The following KIF26B variants were observed in gnomAD, a reference collection of about 807,000 sequenced individuals.
The protein encoded by KIF26B is kinesin family member 26B.
KIF26B carries 63 observed loss-of-function variants against 151.2 expected under a neutral mutation model. The ratio of observed to expected loss-of-function variants is 0.42; its 90% CI spans 0.34 to 0.51. KIF26B has a LOEUF of 0.51. Among genes scored for constraint, KIF26B ranks in the 20% least tolerant of loss-of-function variants. The pLI, the probability that KIF26B is intolerant of heterozygous loss-of-function variation, is 0.07. For synonymous variants in KIF26B, 1,357 were observed against 1,262.1 expected, an observed-to-expected ratio of 1.08 and a Z score of -1.59; for missense variants, 2,813 against 2,913.6, an observed-to-expected ratio of 0.97 and a Z score of 0.79.
intron 9 of KIF26B, among the ~76,000 whole-genome samples, chr1:245,640,660 TTTTG>T (rs1469688430): frequency 2.6e-5 from 4 of 152,122 alleles, no homozygotes; most frequent in African/African-American, 9.6e-5. Flanking sequence ...TGCTTTTATT[TTTTG>T]TTTATCAATT....
chr1:245,574,864 C>CT (rs201010492), intron 5 of KIF26B, among the ~76,000 whole-genome samples: 9,291 of 126,106 alleles, frequency 0.074, 589 homozygotes, highest in African/African-American at 0.14. Flanking sequence ...TTTTTTTTTT[C>CT]TTTTTTTTTT....
intron 4 of KIF26B, among the ~76,000 whole-genome samples, chr1:245,443,716 A>T (rs1260100541): frequency 3.3e-5 from 3 of 91,724 alleles, no homozygotes; most frequent in African/African-American, 1.1e-4. Context: ...CTCACTGTTC[A>T]CCTAGAGCGG....
intron 2 of KIF26B, among the ~76,000 whole-genome samples, chr1:245,361,310 G>C (rs544216875): frequency 1.2e-4 from 19 of 152,348 alleles, no homozygotes; most frequent in African/African-American, 4.1e-4. Flanking sequence ...CTTAGGCTGA[G>C]CACAGCTGCT....
In KIF26B at chr1:245,352,423, C is replaced by T. The variant is rs996940574; in HGVS notation, c.466-14411C>T. The stretch of plus-strand genomic sequence containing the variant: ...GGATTACAGGCACCCACCACCACAC[C>T]TGGCTAATTTTTGTATTTTCAGTAG... On this transcript the variant is annotated intron_variant, in intron 2 of 14. Coordinates refer to ENST00000407071, the MANE Select transcript of KIF26B (RefSeq NM_018012.4). The surrounding 1 kb of genome is among the most constrained non-coding windows in gnomAD (Gnocchi z 5.0). 1.1e-4 allele frequency among the ~76,000 whole-genome samples: 16 copies of T among 152,156 alleles called. No individual in the cohort carries two copies. The highest frequency in any genetic ancestry group is 1.9e-4 in the Non-Finnish European group (13 of 68,034).
chr1:245,184,356 C>G (rs1668966159), intron 2 of KIF26B, among the ~76,000 whole-genome samples: 1 of 152,026 alleles, frequency 6.6e-6, no homozygotes, highest in Admixed American at 6.5e-5. Flanking sequence ...CAAGAAATAG[C>G]TCAGCCCTAT....
chr1:245,280,260 TC>T (rs1238315724), intron 2 of KIF26B, among the ~76,000 whole-genome samples: 1 of 151,070 alleles, frequency 6.6e-6, no homozygotes, highest in Non-Finnish European at 1.5e-5. Flanking sequence ...ACGCCTGTAA[TC>T]CCAGCACTTT....
rs921422053 is a variant in KIF26B at position 245,523,117 on chromosome 1, T to C, written c.1167-17650T>C. 2.6e-5 allele frequency among the ~76,000 whole-genome samples: 4 copies of C among 152,212 alleles called. No individual in the cohort carries two copies. The East Asian group carries it at 5.8e-4, about 22-fold the overall frequency. On this transcript the variant is annotated intron_variant, in intron 4 of 14. Coordinates refer to ENST00000407071, the MANE Select transcript of KIF26B (RefSeq NM_018012.4). ...ACAGGAAAGTTAAGGAACTTGACCA[T>C]GGCCACAGAGCTCTGAGTGTCAGAA...
intron 2 of KIF26B, among the ~76,000 whole-genome samples, chr1:245,340,888 A>G (rs1389556831): frequency 6.6e-6 from 1 of 152,162 alleles, no homozygotes; most frequent in Admixed American, 6.5e-5. Context: ...GGAACAGGGA[A>G]ATGCACTGCG....
intron 6 of KIF26B, among the ~76,000 whole-genome samples, chr1:245,603,239 A>G (rs2043416374): frequency 6.6e-6 from 1 of 152,150 alleles, no homozygotes; most frequent in South Asian, 2.1e-4. Context: ...CTGTAGCCCT[A>G]GTAAGGAACC....
chr1:245,435,961 G>A (rs1658920264), intron 4 of KIF26B, among the ~76,000 whole-genome samples: 2 of 152,104 alleles, frequency 1.3e-5, no homozygotes, highest in Admixed American at 6.6e-5. Context: ...GGTGGATCAC[G>A]AGGTCAGGAG....
In KIF26B at chr1:245,609,197, A is replaced by G; in HGVS notation, c.1652-69A>G. 7 of 1,416,606 alleles carry G rather than the reference A, an allele frequency of 4.9e-6. 1 individual carries two copies. Among genetic ancestry groups the G allele is most frequent in the South Asian group, 3.2e-5 (2 of 62,140 alleles). 87.8% of individuals were successfully genotyped at this position (1,416,606 alleles called of 1,614,324 possible). A position where few individuals can be genotyped will look rare whatever the true frequency, so the allele number is the denominator to read the frequency against. On this transcript the variant is annotated intron_variant, in intron 7 of 14. Coordinates refer to ENST00000407071, the MANE Select transcript of KIF26B (RefSeq NM_018012.4). ...CCTTTCTTCTATATCCTTGGCATCT[A>G]TTTTGGAGACTCCGTGGAATGATGC...
chr1:245,277,771 A>G (rs1670965035), intron 2 of KIF26B, among the ~76,000 whole-genome samples: 2 of 152,148 alleles, frequency 1.3e-5, no homozygotes, highest in African/African-American at 2.4e-5. Flanking sequence ...GTCTGCAGTC[A>G]TGGTGACTGG....
intron 4 of KIF26B, among the ~76,000 whole-genome samples, chr1:245,501,092 C>T (rs1343757838): frequency 1.3e-5 from 2 of 152,122 alleles, no homozygotes; most frequent in East Asian, 3.8e-4. Context: ...AGGTCAGTAC[C>T]ATATTATCCC....
At chr1:245,258,741 A>G (rs1001530313) in intron 2 of KIF26B, among the ~76,000 whole-genome samples, 2 of 152,024 alleles carry the variant, frequency 1.3e-5, no homozygotes, top group Admixed American at 6.6e-5. Context: ...ACAGGAGCAC[A>G]GCATGGTGGG....
At chr1:245,678,731 T>TGG (rs2044388588) in intron 10 of KIF26B, among the ~76,000 whole-genome samples, 1 of 151,956 alleles carries the variant, frequency 6.6e-6, no homozygotes, top group Non-Finnish European at 1.5e-5. Flanking sequence ...GGCGTGGTGG[T>TGG]GCATGCCTGT....
In KIF26B at chr1:245,311,842, A is replaced by G. The variant is rs1275036584; in HGVS notation, c.466-54992A>G. Among the ~76,000 whole-genome samples, 9 of 152,100 alleles carry G rather than the reference A, an allele frequency of 5.9e-5. No individual in the cohort carries two copies. In the East Asian group the frequency reaches 1.7e-3, roughly 29 times the overall value. On this transcript the variant is annotated intron_variant, in intron 2 of 14. Transcript: ENST00000407071. ...CTACTCAGGAGGCTGAGGCAGGAGA[A>G]CGGCTTGAACCCAGGAGACAGAGGT... is the stretch of plus-strand genomic sequence containing the variant.
At chr1:245,482,040 A>G (rs1293048107) in intron 4 of KIF26B, among the ~76,000 whole-genome samples, 1 of 151,818 alleles carries the variant, frequency 6.6e-6, no homozygotes, top group Non-Finnish European at 1.5e-5. Flanking sequence ...ATTTGACTGA[A>G]GATGGAGATG....
intron 2 of KIF26B, among the ~76,000 whole-genome samples, chr1:245,221,460 T>A (rs1333785766): frequency 6.7e-6 from 1 of 150,126 alleles, no homozygotes; most frequent in African/African-American, 2.5e-5. Context: ...CAGGCTGGAG[T>A]GCAATGGCAT....
intron 2 of KIF26B, among the ~76,000 whole-genome samples, chr1:245,356,275 G>A (rs1363001174): frequency 6.6e-6 from 1 of 152,150 alleles, no homozygotes; most frequent in Non-Finnish European, 1.5e-5. Flanking sequence ...CCTAAGAAAG[G>A]CCAGGCACAG....
Sources: gnomAD v4.1 joint callset for allele counts (sites outside exome capture counted in the v4.1 genomes callset) on GRCh38, gnomAD v4.1.1 for gene constraint, Gnocchi (gnomAD v3.1) non-coding constraint, MANE v1.5 for transcripts, NCBI Gene and HGNC (gene_info 2026-07-23, HGNC 2026-07-21) for gene names.